Variants in IRAK1BP1 observed in about 807,000 individuals in gnomAD.
IRAK1BP1 encodes interleukin 1 receptor associated kinase 1 binding protein 1, also known as interleukin-1 receptor-associated kinase 1-binding protein 1.
IRAK1BP1 carries 24 observed loss-of-function variants against 28.0 expected under a neutral mutation model. That is an observed-to-expected ratio of 0.86 (90% CI 0.62 to 1.20). The LOEUF (loss-of-function observed/expected upper bound fraction) is 1.20. IRAK1BP1 is among the 50% of genes most tolerant of loss of function. IRAK1BP1 has a pLI of 0.00. For synonymous variants in IRAK1BP1, 131 were observed against 116.3 expected (o/e 1.13, Z -0.81); for missense variants, 336 against 316.7 (o/e 1.06, Z -0.46).
chr6:78,908,011 C>G (rs186998217), downstream of IRAK1BP1, among the ~76,000 whole-genome samples: 1 of 150,202 alleles, frequency 6.7e-6, no homozygotes, highest in African/African-American at 2.5e-5. Context: ...AGGCACTGCA[C>G]CCGGCCTTTT....
chr6:78,956,974 A>G, the IRAK1BP1 span: 1 of 152,212 alleles, frequency 6.6e-6, no homozygotes, highest in Non-Finnish European at 1.5e-5. Context: ...TAACTCAATT[A>G]AAAAGTATAA....
chr6:78,933,077 A>G (rs971858786), intron 4 of IRAK1BP1, among the ~76,000 whole-genome samples: 4 of 152,132 alleles, frequency 2.6e-5, no homozygotes, highest in African/African-American at 7.2e-5. Context: ...ATGGTAAAGA[A>G]GCACTGGCTT....
chr6:78,977,918 G>C, the IRAK1BP1 span, among the ~76,000 whole-genome samples: 2 of 151,820 alleles, frequency 1.3e-5, no homozygotes, highest in African/African-American at 4.8e-5. Context: ...AGTGTGCTTT[G>C]CTAAAGAAGC....
the IRAK1BP1 span, among the ~76,000 whole-genome samples, chr6:78,973,010 T>C: frequency 4.6e-5 from 7 of 151,964 alleles, no homozygotes; most frequent in Non-Finnish European, 1.0e-4. Flanking sequence ...ACGTTGAGAT[T>C]CAGGAAATAC....
At chr6:78,975,425 T>A in the IRAK1BP1 span, among the ~76,000 whole-genome samples, 18 of 152,278 alleles carry the variant, frequency 1.2e-4, no homozygotes, top group East Asian at 3.5e-3. Flanking sequence ...TCATACTGAA[T>A]GGGCAAAAAC....
intron 4 of IRAK1BP1, among the ~76,000 whole-genome samples, chr6:78,924,465 C>T (rs1287684546): frequency 6.6e-6 from 1 of 152,170 alleles, no homozygotes; most frequent in African/African-American, 2.4e-5. Context: ...CAGATGGATT[C>T]ACAGCCGAAT....
chr6:78,970,552 T>C, the IRAK1BP1 span, among the ~76,000 whole-genome samples: 1 of 152,176 alleles, frequency 6.6e-6, no homozygotes, highest in Non-Finnish European at 1.5e-5. Context: ...TCACTATAAC[T>C]AAATTTTGTA....
chr6:78,931,008 C>A (rs1773032038), intron 4 of IRAK1BP1, among the ~76,000 whole-genome samples: 1 of 151,948 alleles, frequency 6.6e-6, no homozygotes. Context: ...CTCAGGTATG[C>A]AACATCCTAT....
chr6:78,911,005 T>C (rs955198945), intron 4 of IRAK1BP1, among the ~76,000 whole-genome samples: 3 of 152,218 alleles, frequency 2.0e-5, no homozygotes, highest in Non-Finnish European at 4.4e-5. Flanking sequence ...GTGACGCCCA[T>C]GCCTAGGTCT....
At chr6:78,966,282 TTA>T in the IRAK1BP1 span, among the ~76,000 whole-genome samples, 5 of 152,214 alleles carry the variant, frequency 3.3e-5, no homozygotes, top group African/African-American at 9.6e-5. Flanking sequence ...ATTCTATTTT[TTA>T]TATTTCATTA....
At chr6:78,935,380 G>T (rs1357231428) in intron 4 of IRAK1BP1, 1 of 335,796 alleles carries the variant, frequency 3.0e-6, no homozygotes, top group Non-Finnish European at 4.2e-6. Flanking sequence ...GGGATTCTTA[G>T]TCAATAAAAA....
chr6:78,951,442 T>C, the IRAK1BP1 span, among the ~76,000 whole-genome samples: 21 of 152,194 alleles, frequency 1.4e-4, no homozygotes, highest in Non-Finnish European at 2.8e-4. Context: ...AATATTTTCA[T>C]ATAAAAGATG....
the IRAK1BP1 span, chr6:78,956,157 A>C: frequency 6.6e-6 from 1 of 152,108 alleles, no homozygotes; most frequent in African/African-American, 2.4e-5. Flanking sequence ...CCAACACCTA[A>C]AATTCCACGT....
At chr6:78,939,683 A>G (rs1773394630) in intron 4 of IRAK1BP1, 1 of 151,952 alleles carries the variant, frequency 6.6e-6, no homozygotes, top group Admixed American at 6.6e-5. Flanking sequence ...AGATATGTCT[A>G]AAGTTTAGAA....
chr6:78,969,380 C>A, the IRAK1BP1 span, among the ~76,000 whole-genome samples: 1 of 152,078 alleles, frequency 6.6e-6, no homozygotes, highest in African/African-American at 2.4e-5. Flanking sequence ...AATTAATGCA[C>A]CTTAAGTGCC....
chr6:78,874,209 G>A (rs1770905953), intron 1 of IRAK1BP1, among the ~76,000 whole-genome samples: 1 of 152,074 alleles, frequency 6.6e-6, no homozygotes, highest in African/African-American at 2.4e-5. Flanking sequence ...TATTTTTGTG[G>A]CCAGAGAAAT....
At position 78,941,088 on chromosome 6, in the gene IRAK1BP1, T is replaced by C; in HGVS notation, c.*68-4320T>C. On this transcript the variant is annotated intron_variant and NMD_transcript_variant, in intron 4 of 4. Transcript: ENST00000606868. ...TTAGTTTCAGAAAGAAAATTGCATG[T>C]TGAAGAAGGAAGTACTTCATCTCTG... The C allele has an allele frequency of 1.2e-6, 2 of 1,614,106 alleles. No individual in the cohort carries two copies. The highest frequency in any genetic ancestry group is 1.3e-5 in the African/African-American group (1 of 75,054).
At chr6:78,948,531 C>T (rs1773958318), downstream of IRAK1BP1, among the ~76,000 whole-genome samples, 1 of 152,182 alleles carries the variant, frequency 6.6e-6, no homozygotes, top group South Asian at 2.1e-4. Flanking sequence ...AGTCTTGCTG[C>T]TGCCCAGGTT....
At chr6:78,894,803 A>C (rs1347642925) in intron 2 of IRAK1BP1, among the ~76,000 whole-genome samples, 1 of 152,072 alleles carries the variant, frequency 6.6e-6, no homozygotes, top group Non-Finnish European at 1.5e-5. Context: ...GGTAGACCAT[A>C]TTCTGTGTCA....
Sources: gnomAD v4.1 joint callset for allele counts (sites outside exome capture counted in the v4.1 genomes callset) on GRCh38, gnomAD v4.1.1 for gene constraint, MANE v1.5 for transcripts, NCBI Gene and HGNC (gene_info 2026-07-23, HGNC 2026-07-21) for gene names.